PSPC1: variants seen among roughly 807,000 people sequenced by gnomAD.
PSPC1 encodes paraspeckle component 1, also known as paraspeckle protein 1.
PSPC1 carries 14 observed loss-of-function variants against 51.6 expected under a neutral mutation model. The observed-to-expected ratio is 0.27, with a 90% CI of 0.18 to 0.42. The LOEUF is 0.42. Ranked by LOEUF, PSPC1 falls within the 10% of genes least tolerant of loss-of-function variation. The pLI is 1.00. For synonymous variants in PSPC1, 193 were observed against 231.9 expected, an observed-to-expected ratio of 0.83 and a Z score of 1.53; for missense variants, 406 against 701.1, an observed-to-expected ratio of 0.58 and a Z score of 4.75.
At chr13:19,759,440 C>A (rs758140672) in intron 2 of PSPC1, 22 bp from the exon 3 acceptor site, 1 of 1,553,884 alleles carries the variant, frequency 6.4e-7, no homozygotes, top group South Asian at 1.1e-5. Flanking sequence ...TAAAAGCATT[C>A]ATAAAAATTA....
chr13:19,734,531 C>G (rs1884531914), intron 5 of PSPC1, among the ~76,000 whole-genome samples: 2 of 152,132 alleles, frequency 1.3e-5, no homozygotes, highest in South Asian at 4.1e-4. Flanking sequence ...GCCAGGCGCA[C>G]TGGCTCACGC....
At chr13:19,736,841 A>G (rs1593664605) in intron 5 of PSPC1, 1 of 152,214 alleles carries the variant, frequency 6.6e-6, no homozygotes, top group African/African-American at 2.4e-5. Context: ...AAAACCAGGA[A>G]TGAATACTGG....
At chr13:19,692,183 G>C (rs1878650405) in intron 6 of PSPC1, among the ~76,000 whole-genome samples, 1 of 152,130 alleles carries the variant, frequency 6.6e-6, no homozygotes, top group African/African-American at 2.4e-5. Flanking sequence ...GAGTGCAGTG[G>C]TGTGATCTCA....
intron 3 of PSPC1, among the ~76,000 whole-genome samples, chr13:19,754,570 G>T (rs1430438368): frequency 1.3e-5 from 2 of 150,248 alleles, no homozygotes; most frequent in African/African-American, 4.9e-5. Flanking sequence ...CTCCCGAATA[G>T]CTGGGATTAC....
chr13:19,762,334 G>A (rs948912470), intron 2 of PSPC1, among the ~76,000 whole-genome samples: 1 of 152,058 alleles, frequency 6.6e-6, no homozygotes, highest in Admixed American at 6.6e-5. Flanking sequence ...GAGGTGCGTG[G>A]ATCACGAGGT....
intron 4 of PSPC1, among the ~76,000 whole-genome samples, chr13:19,746,087 C>T (rs1352677683): frequency 6.7e-6 from 1 of 149,698 alleles, no homozygotes; most frequent in Non-Finnish European, 1.5e-5. Context: ...CTCACTGCAA[C>T]CTCCGACTCC....
chr13:19,760,094 T>C (rs1223436219), intron 2 of PSPC1, among the ~76,000 whole-genome samples: 3 of 152,192 alleles, frequency 2.0e-5, no homozygotes, highest in African/African-American at 7.2e-5. Flanking sequence ...GTACAAATGA[T>C]ACTTCTGAGA....
At position 19,715,265 on chromosome 13, in the gene PSPC1, A is replaced by C. The variant is rs374537631; in HGVS notation, c.1159-5666T>G. ...AGGTTTGAGAAGCAATATTTTTAAA[A>C]TCGCAGTCAGTTTTCTTTCATGAAA... is the stretch of plus-strand genomic sequence containing the variant. On this transcript the variant is annotated intron_variant, in intron 6 of 8. Transcript: ENST00000338910. 2.2e-3 allele frequency among the ~76,000 whole-genome samples: 328 copies of C among 152,338 alleles called. 1 individual carries two copies. Among genetic ancestry groups the C allele is most frequent in the African/African-American group, 7.6e-3 (316 of 41,566 alleles).
chr13:19,687,656 C>T (rs1878070209), intron 6 of PSPC1, among the ~76,000 whole-genome samples: 1 of 12,888 alleles, frequency 7.8e-5, no homozygotes, highest in African/African-American at 1.6e-4. Context: ...TGCCTTCTTT[C>T]TTCCACATAA....
Position 19,688,962 on chromosome 13 carries a change from T to TA in PSPC1, c.1159-11140dup, listed in dbSNP as rs67276894. On this transcript the variant is annotated intron_variant and NMD_transcript_variant, in intron 6 of 7. Transcript: ENST00000471658. Reference sequence around the variant, plus strand: ...TACTTTTAATGGTGTGATAAACTCTTAAAAAAAAAAAAAAAGGAAACTCAT... The same window carrying TA: ...TACTTTTAATGGTGTGATAAACTCTTAAAAAAAAAAAAAAAAGGAAACTCAT... Among the ~76,000 whole-genome samples, 444 of 54,400 alleles carry TA rather than the reference T, an allele frequency of 8.2e-3. 3 individuals are homozygous for TA. Among genetic ancestry groups the TA allele is most frequent in the African/African-American group, 0.015 (383 of 25,738 alleles). The allele number at this position is 54,400 out of a possible 152,430, so 35.7% of individuals were successfully genotyped here. A position where few individuals can be genotyped will look rare whatever the true frequency, so the allele number is the denominator to read the frequency against.
At chr13:19,752,584 T>C (rs1886667999) in intron 3 of PSPC1, among the ~76,000 whole-genome samples, 1 of 151,044 alleles carries the variant, frequency 6.6e-6, no homozygotes, top group Non-Finnish European at 1.5e-5. Flanking sequence ...ACTTTTTTAT[T>C]TATTTATTTA....
chr13:19,773,875 C>T (rs1888846544), intron 1 of PSPC1, among the ~76,000 whole-genome samples: 1 of 152,028 alleles, frequency 6.6e-6, no homozygotes, highest in Non-Finnish European at 1.5e-5. Context: ...ATGCTGGTCT[C>T]TCGAACTCCT....
chr13:19,733,325 G>C (rs1462001666), intron 5 of PSPC1, among the ~76,000 whole-genome samples: 1 of 152,122 alleles, frequency 6.6e-6, no homozygotes, highest in Non-Finnish European at 1.5e-5. Context: ...TGCTATTACT[G>C]CTTTTAAAAA....
chr13:19,777,286 C>T (rs943044989), intron 1 of PSPC1, among the ~76,000 whole-genome samples: 7 of 150,790 alleles, frequency 4.6e-5, no homozygotes, highest in Admixed American at 4.0e-4. Flanking sequence ...AAAAATTAGC[C>T]GGGCATGAAG....
intron 3 of PSPC1, among the ~76,000 whole-genome samples, chr13:19,754,810 G>A (rs1886909395): frequency 6.6e-6 from 1 of 152,104 alleles, no homozygotes; most frequent in African/African-American, 2.4e-5. Context: ...GTCTATTCTT[G>A]TTAACAACCT....
intron 1 of PSPC1, among the ~76,000 whole-genome samples, chr13:19,781,836 G>A (rs1890002280): frequency 1.3e-5 from 2 of 152,296 alleles, no homozygotes; most frequent in Middle Eastern, 3.4e-3. Flanking sequence ...AACGCATATA[G>A]GTGTGGTTGA....
At chr13:19,674,638 A>C (rs537555153), downstream of PSPC1, 27 of 152,456 alleles carry the variant, frequency 1.8e-4, no homozygotes, top group African/African-American at 6.3e-4. Context: ...GAAAGGCTGG[A>C]TTGGATGCCC....
rs1292017347 is a variant in PSPC1 at position 19,776,498 on chromosome 13, T to C, written c.373-3955A>G. On this transcript the variant is annotated intron_variant, in intron 1 of 8. Transcript: ENST00000338910. ...CACCAACCAGTACACTTAAAATGTG[T>C]ACCCTTTACTATATGCAAATTTTTT... 4.0e-5 allele frequency among the ~76,000 whole-genome samples: 6 copies of C among 151,896 alleles called. No homozygotes were observed. In the East Asian group the frequency reaches 9.7e-4, roughly 25 times the overall value.
chr13:19,746,242 T>G (rs1885967766), intron 4 of PSPC1, among the ~76,000 whole-genome samples: 1 of 150,884 alleles, frequency 6.6e-6, no homozygotes, highest in South Asian at 2.1e-4. Context: ...TCTCTACTAC[T>G]AATACAAAAA....
Sources: allele counts gnomAD v4.1 joint callset (sites outside exome capture counted in the v4.1 genomes callset), GRCh38; gene constraint gnomAD v4.1.1; transcripts MANE v1.5; gene names NCBI Gene and HGNC (gene_info 2026-07-23, HGNC 2026-07-21).